The following ADGRB3 variants were observed in gnomAD, a reference collection of about 807,000 sequenced individuals.
ADGRB3 encodes brain-specific angiogenesis inhibitor 3.
Under a neutral mutation model 193.4 loss-of-function variants are expected in ADGRB3, and 37 were observed. That is an observed-to-expected ratio of 0.19 (90% confidence interval 0.15 to 0.25). ADGRB3 has a LOEUF of 0.25. ADGRB3 is among the 10% of genes least tolerant of loss of function. ADGRB3 has a pLI of 1.00. For synonymous variants in ADGRB3, 690 were observed against 644.2 expected (o/e 1.07, Z -1.08); for missense variants, 1,637 against 1,852.9 (o/e 0.88, Z 2.14).
At chr6:69,054,672 T>C (rs1771494969) in intron 15 of ADGRB3, among the ~76,000 whole-genome samples, 1 of 152,142 alleles carries the variant, frequency 6.6e-6, no homozygotes, top group Non-Finnish European at 1.5e-5. Context: ...AAAATCTCGG[T>C]TTAGTTTGGT....
At chr6:69,247,363 T>C (rs1766520700) in intron 20 of ADGRB3, among the ~76,000 whole-genome samples, 1 of 152,210 alleles carries the variant, frequency 6.6e-6, no homozygotes, top group African/African-American at 2.4e-5. Flanking sequence ...TCCAGACTGA[T>C]ATAGCCTCTA....
intron 6 of ADGRB3, among the ~76,000 whole-genome samples, chr6:68,946,438 A>G (rs1767777729): frequency 6.6e-6 from 1 of 152,130 alleles, no homozygotes; most frequent in Non-Finnish European, 1.5e-5. Flanking sequence ...AGACATAAGC[A>G]TATGCAAAGT....
chr6:69,091,792 A>G (rs1293363304), intron 17 of ADGRB3, among the ~76,000 whole-genome samples: 1 of 152,238 alleles, frequency 6.6e-6, no homozygotes. Context: ...TTAAAATAAA[A>G]GTTAAAAAGT....
intron 3 of ADGRB3, among the ~76,000 whole-genome samples, chr6:68,800,104 A>T (rs1178958683): frequency 6.6e-6 from 1 of 152,130 alleles, no homozygotes; most frequent in African/African-American, 2.4e-5. Flanking sequence ...GCAGCGGTTT[A>T]TGAGGGATAT....
At chr6:68,832,007 T>G (rs1038207813) in intron 3 of ADGRB3, among the ~76,000 whole-genome samples, 7 of 152,178 alleles carry the variant, frequency 4.6e-5, no homozygotes, top group African/African-American at 1.4e-4. Context: ...AAGTATCAAC[T>G]TAACAGCTAC....
intron 13 of ADGRB3, among the ~76,000 whole-genome samples, chr6:69,028,729 C>G (rs1265660862): frequency 6.6e-6 from 1 of 152,158 alleles, no homozygotes; most frequent in African/African-American, 2.4e-5. Context: ...GTGAGTAACC[C>G]AAATGCTCTA....
At chr6:69,018,554 T>C (rs1770164989) in intron 13 of ADGRB3, 55 bp downstream of exon 13, 4 of 1,128,698 alleles carry the variant, frequency 3.5e-6, no homozygotes, top group Non-Finnish European at 5.3e-6. Context: ...AAATTGCAAG[T>C]ATCTACACCA....
intron 3 of ADGRB3, among the ~76,000 whole-genome samples, chr6:68,743,931 C>T (rs1188568617): frequency 6.6e-6 from 1 of 151,974 alleles, no homozygotes; most frequent in Non-Finnish European, 1.5e-5. Flanking sequence ...TTAGAGCCCT[C>T]CTCCTTTTTT....
intron 17 of ADGRB3, among the ~76,000 whole-genome samples, chr6:69,171,186 C>A (rs1199442453): frequency 6.6e-6 from 1 of 152,162 alleles, no homozygotes; most frequent in Non-Finnish European, 1.5e-5. Flanking sequence ...ACACTTACTG[C>A]ATATCTCAAT....
intron 1 of ADGRB3, among the ~76,000 whole-genome samples, chr6:68,636,975 AAAG>A (rs1767975081): frequency 6.6e-6 from 1 of 151,786 alleles, no homozygotes; most frequent in Admixed American, 6.6e-5. Flanking sequence ...AAAAAAAAAA[AAAG>A]GAAATTATTT....
intron 3 of ADGRB3, among the ~76,000 whole-genome samples, chr6:68,761,626 T>C (rs1766395503): frequency 6.6e-6 from 1 of 151,490 alleles, no homozygotes; most frequent in Non-Finnish European, 1.5e-5. Context: ...TCTTTTATTA[T>C]ATAGGCTGTA....
chr6:68,713,006 A>AT (rs1419575154), intron 3 of ADGRB3, among the ~76,000 whole-genome samples: 1 of 151,854 alleles, frequency 6.6e-6, no homozygotes, highest in Non-Finnish European at 1.5e-5. Flanking sequence ...ATTGACAGCA[A>AT]TTTTTTATTT....
chr6:68,707,873 G>C (rs1433825149), intron 3 of ADGRB3, among the ~76,000 whole-genome samples: 1 of 152,170 alleles, frequency 6.6e-6, no homozygotes, highest in Non-Finnish European at 1.5e-5. Context: ...AGGACAATTA[G>C]ACTAAGTCCA....
At chr6:69,057,719 T>C (rs2150305724) in intron 15 of ADGRB3, among the ~76,000 whole-genome samples, 1 of 152,104 alleles carries the variant, frequency 6.6e-6, no homozygotes, top group Admixed American at 6.5e-5. Context: ...ATTCTGTAAA[T>C]GTGATGTATT....
chr6:68,787,609 A>C (rs1767003153), intron 3 of ADGRB3, among the ~76,000 whole-genome samples: 1 of 152,208 alleles, frequency 6.6e-6, no homozygotes, highest in South Asian at 2.1e-4. Context: ...ATTGGTCTAA[A>C]ATTCTGTTTT....
At chr6:68,855,857 CA>C (rs1218508292) in intron 3 of ADGRB3, among the ~76,000 whole-genome samples, 2 of 152,046 alleles carry the variant, frequency 1.3e-5, no homozygotes, top group African/African-American at 4.8e-5. Context: ...CCCATCTCTA[CA>C]AAAATTTTCT....
chr6:69,362,260 G>A (rs1769469864), intron 29 of ADGRB3, among the ~76,000 whole-genome samples: 1 of 151,848 alleles, frequency 6.6e-6, no homozygotes, highest in Non-Finnish European at 1.5e-5. Context: ...ACCTGTGGTT[G>A]ACATATATAT....
At chr6:69,286,363 TC>T (rs1443848120) in intron 20 of ADGRB3, among the ~76,000 whole-genome samples, 2 of 152,094 alleles carry the variant, frequency 1.3e-5, no homozygotes, top group Admixed American at 6.6e-5. Flanking sequence ...TCCTACTTTC[TC>T]CCCCCTTAAT....
intron 3 of ADGRB3, among the ~76,000 whole-genome samples, chr6:68,713,614 T>G (rs73463903): frequency 1.3e-5 from 2 of 151,628 alleles, no homozygotes; most frequent in South Asian, 2.1e-4. Flanking sequence ...TCTCATGTTA[T>G]TTTTCCAGTG....
Sources: gnomAD v4.1 joint callset for allele counts (sites outside exome capture counted in the v4.1 genomes callset) on GRCh38, gnomAD v4.1.1 for gene constraint, MANE v1.5 for transcripts, NCBI Gene and HGNC (gene_info 2026-07-23, HGNC 2026-07-21) for gene names.